The following GALNTL6 variants were observed in gnomAD, a reference collection of about 807,000 sequenced individuals.
GALNTL6 encodes the protein polypeptide N-acetylgalactosaminyltransferase like 6, also known as polypeptide N-acetylgalactosaminyltransferase-like 6.
GALNTL6 carries 46 observed loss-of-function variants against 73.7 expected under a neutral mutation model. The observed-to-expected ratio is 0.62, with a 90% CI of 0.49 to 0.80. GALNTL6 has a LOEUF of 0.80. Among genes scored for constraint, GALNTL6 ranks in the 30% least tolerant of loss-of-function variants. GALNTL6 has a pLI of 0.00. For synonymous variants in GALNTL6, 259 were observed against 263.7 expected, an observed-to-expected ratio of 0.98 and a Z score of 0.17; for missense variants, 604 against 755.0, an observed-to-expected ratio of 0.80 and a Z score of 2.34.
chr4:172,836,368 C>G (rs1008155656), intron 7 of GALNTL6, among the ~76,000 whole-genome samples: 10 of 152,330 alleles, frequency 6.6e-5, no homozygotes, highest in South Asian at 6.2e-4. Context: ...AACTCCTCCA[C>G]AGATGTCATT....
At chr4:172,065,523 G>A (rs971833331) in intron 2 of GALNTL6, among the ~76,000 whole-genome samples, 6 of 151,884 alleles carry the variant, frequency 4.0e-5, no homozygotes, top group Non-Finnish European at 8.8e-5. Context: ...TTTGGTTGTA[G>A]TCTTTGTAAC....
In GALNTL6 at chr4:172,809,564, A is replaced by T. The variant is rs1579510634; in HGVS notation, c.739+18A>T. ...ACTCCTCAGTGAGTACAGGTTGCTA[A>T]GCACCATCCTGGGATGCCTCAGGGG... On this transcript the variant is annotated intron_variant, in intron 6 of 12. Transcript: ENST00000506823. This position sits in a 1 kb window ranked among gnomAD's most constrained non-coding sequence, Gnocchi z 4.4. 6.3e-7 allele frequency: 1 copy of T among 1,590,292 alleles called. No individual in the cohort carries two copies. Among genetic ancestry groups the T allele is most frequent in the Non-Finnish European group, 8.6e-7 (1 of 1,167,162 alleles).
Position 172,182,570 on chromosome 4 carries a change from A to T in GALNTL6, c.139-47086A>T, listed in dbSNP as rs1014430579. On this transcript the variant is annotated intron_variant, in intron 2 of 12. Transcript: ENST00000506823. ...AAAAATACCAAAAAAAAAAAAAAAAAGTGATAAACAGGGCTGGCTGCATAG... is the reference window on the plus strand; with the variant it reads ...AAAAATACCAAAAAAAAAAAAAAAATGTGATAAACAGGGCTGGCTGCATAG... Among the ~76,000 whole-genome samples the T allele has an allele frequency of 2.2e-3, 293 of 131,778 alleles. 1 individual carries two copies. The highest frequency in any genetic ancestry group is 0.016 in the East Asian group (69 of 4,366). The allele number at this position is 131,778 out of a possible 152,430, so 86.5% of individuals were successfully genotyped here.
At position 172,893,154 on chromosome 4, in the gene GALNTL6, G is replaced by A. The variant is rs554748072; in HGVS notation, c.1041+10247G>A. 7.6e-4 allele frequency among the ~76,000 whole-genome samples: 116 copies of A among 152,308 alleles called. 1 individual carries two copies. The highest frequency in any genetic ancestry group is 1.5e-3 in the Non-Finnish European group (103 of 68,026). On this transcript the variant is annotated intron_variant, in intron 8 of 12. Transcript: ENST00000506823. ...GGAGTGGGCCTGACCAGCTAGGCTT[G>A]TCCCAAACCTTCTGTGCCAAGATTG...
intron 5 of GALNTL6, among the ~76,000 whole-genome samples, chr4:172,685,767 G>GA (rs199781217): frequency 6.3e-4 from 96 of 151,206 alleles, no homozygotes; most frequent in African/African-American, 2.0e-3. Flanking sequence ...GGCGACTTTA[G>GA]AAAAAAAAAT....
intron 2 of GALNTL6, among the ~76,000 whole-genome samples, chr4:172,103,515 A>G (rs1177111659): frequency 6.6e-6 from 1 of 152,210 alleles, no homozygotes; most frequent in East Asian, 1.9e-4. Flanking sequence ...CAGTTATATC[A>G]GCCCTTGCCC....
At chr4:172,967,482 T>C (rs1750384898) in intron 10 of GALNTL6, among the ~76,000 whole-genome samples, 1 of 151,728 alleles carries the variant, frequency 6.6e-6, no homozygotes, top group African/African-American at 2.4e-5. Flanking sequence ...ATTCAAACTC[T>C]TTGCCTATGC....
At chr4:171,858,612 G>A (rs1735751322) in intron 2 of GALNTL6, among the ~76,000 whole-genome samples, 2 of 151,908 alleles carry the variant, frequency 1.3e-5, no homozygotes, top group Non-Finnish European at 2.9e-5. Flanking sequence ...AATACAATTT[G>A]ATGGCTAAAA....
At position 172,403,472 on chromosome 4, in the gene GALNTL6, C is replaced by T. The variant is rs181673112; in HGVS notation, c.553+54783C>T. Among the ~76,000 whole-genome samples, 941 of 152,060 alleles carry T rather than the reference C, an allele frequency of 6.2e-3. 4 individuals carry two copies. Among genetic ancestry groups the T allele is most frequent in the Non-Finnish European group, 0.011 (725 of 67,938 alleles). Reference sequence around the variant, plus strand: ...TTCATGAACTAACGTATCAAATAAACTTTTTAAATAAAATAATTAATTCAG... The same window carrying T: ...TTCATGAACTAACGTATCAAATAAATTTTTTAAATAAAATAATTAATTCAG... On this transcript the variant is annotated intron_variant, in intron 5 of 12. Transcript: ENST00000506823.
At chr4:172,226,674 G>A (rs1484531839) in intron 2 of GALNTL6, among the ~76,000 whole-genome samples, 1 of 151,278 alleles carries the variant, frequency 6.6e-6, no homozygotes, top group Admixed American at 6.6e-5. Context: ...TATACAGTTG[G>A]ACTGGAGGAT....
At chr4:172,817,077 C>T (rs1741643957) in intron 7 of GALNTL6, among the ~76,000 whole-genome samples, 1 of 142,816 alleles carries the variant, frequency 7.0e-6, no homozygotes, top group Non-Finnish European at 1.5e-5. Flanking sequence ...CACTGTACTT[C>T]AGCCTGAGAA....
chr4:172,057,070 G>A (rs1037836859), intron 2 of GALNTL6, among the ~76,000 whole-genome samples: 6 of 151,972 alleles, frequency 3.9e-5, no homozygotes, highest in Non-Finnish European at 2.9e-5. Flanking sequence ...TTGCAAGAAC[G>A]CATAAACTTT....
At chr4:172,021,344 C>A (rs1741394627) in intron 2 of GALNTL6, among the ~76,000 whole-genome samples, 1 of 151,918 alleles carries the variant, frequency 6.6e-6, no homozygotes, top group Non-Finnish European at 1.5e-5. Context: ...ATGAAATTAT[C>A]CTTGTTTGCA....
intron 2 of GALNTL6, among the ~76,000 whole-genome samples, chr4:171,883,670 TAG>T (rs1179468661): frequency 6.6e-6 from 1 of 151,434 alleles, no homozygotes; most frequent in Non-Finnish European, 1.5e-5. Context: ...TTTTTTGAGA[TAG>T]AGTCTCGCTC....
intron 4 of GALNTL6, among the ~76,000 whole-genome samples, chr4:172,328,209 A>G (rs1193360494): frequency 6.6e-6 from 1 of 152,084 alleles, no homozygotes; most frequent in African/African-American, 2.4e-5. Context: ...AATGTTGAAT[A>G]TATGCTCCCA....
At chr4:172,607,553 T>C (rs1227968200) in intron 5 of GALNTL6, among the ~76,000 whole-genome samples, 1 of 152,188 alleles carries the variant, frequency 6.6e-6, no homozygotes, top group African/African-American at 2.4e-5. Flanking sequence ...TGGTGGTGCA[T>C]TGAACATACA....
intron 5 of GALNTL6, among the ~76,000 whole-genome samples, chr4:172,413,750 A>G (rs1744527489): frequency 6.6e-6 from 1 of 150,842 alleles, no homozygotes; most frequent in African/African-American, 2.4e-5. Context: ...AGTGCCCTCC[A>G]TTTCCAAAGT....
chr4:173,019,408 C>T (rs1752903643), intron 11 of GALNTL6, among the ~76,000 whole-genome samples: 1 of 152,120 alleles, frequency 6.6e-6, no homozygotes, highest in Non-Finnish European at 1.5e-5. Context: ...TGAGCAACAC[C>T]TGCAGTGGAG....
At chr4:172,331,112 C>T (rs1211345463) in intron 4 of GALNTL6, among the ~76,000 whole-genome samples, 1 of 151,848 alleles carries the variant, frequency 6.6e-6, no homozygotes, top group African/African-American at 2.4e-5. Context: ...TATTATCTAT[C>T]ATTTCACTTA....
Sources: gnomAD v4.1 joint callset for allele counts (sites outside exome capture counted in the v4.1 genomes callset) on GRCh38, gnomAD v4.1.1 for gene constraint, Gnocchi (gnomAD v3.1) non-coding constraint, MANE v1.5 for transcripts, NCBI Gene and HGNC (gene_info 2026-07-23, HGNC 2026-07-21) for gene names.